ZMYM5: variants seen among roughly 807,000 people sequenced by gnomAD.
The protein encoded by ZMYM5 is zinc finger MYM-type protein 5.
ZMYM5 carries 41 observed loss-of-function variants against 61.8 expected under a neutral mutation model. The ratio of observed to expected loss-of-function variants is 0.66; its 90% CI spans 0.52 to 0.86. The LOEUF (loss-of-function observed/expected upper bound fraction) is 0.86. Among genes scored for constraint, ZMYM5 ranks in the 40% least tolerant of loss-of-function variants. The pLI, the probability that ZMYM5 is intolerant of heterozygous loss-of-function variation, is 0.00. For synonymous variants in ZMYM5, 257 were observed against 276.4 expected (o/e 0.93, Z 0.70); for missense variants, 706 against 786.7 (o/e 0.90, Z 1.23).
At chr13:19,851,246 C>T in intron 4 of ZMYM5, 109 bp downstream of exon 4, 1 of 1,071,778 alleles carries the variant, frequency 9.3e-7, no homozygotes, top group South Asian at 1.5e-5. Flanking sequence ...AACAAGCAAA[C>T]AAAAAAAGCA....
At chr13:19,851,556 A>G in intron 3 of ZMYM5, 108 bp from the exon 4 acceptor site, 2 of 1,543,922 alleles carry the variant, frequency 1.3e-6, no homozygotes, top group East Asian at 2.2e-5. Context: ...GATGTTTTAT[A>G]TGTAATAATT....
chr13:19,825,600 T>G (rs924675169), intron 7 of ZMYM5, among the ~76,000 whole-genome samples: 4 of 148,194 alleles, frequency 2.7e-5, no homozygotes, highest in Non-Finnish European at 3.0e-5. Context: ...TGAGCTGAGA[T>G]CGCGCCACTG....
intron 7 of ZMYM5, among the ~76,000 whole-genome samples, chr13:19,834,864 T>C (rs1209305296): frequency 6.6e-6 from 1 of 152,042 alleles, no homozygotes; most frequent in East Asian, 1.9e-4. Flanking sequence ...AATTTTTGTA[T>C]TTTTAGTAGA....
chr13:19,841,547 A>G (rs1952878824), intron 4 of ZMYM5, among the ~76,000 whole-genome samples: 1 of 152,082 alleles, frequency 6.6e-6, no homozygotes, highest in Non-Finnish European at 1.5e-5. Context: ...TTTTTCCCTA[A>G]TTATTCTCAG....
chr13:19,859,007 TGG>T (rs140571217), intron 2 of ZMYM5, among the ~76,000 whole-genome samples: 4,038 of 152,220 alleles, frequency 0.027, 64 homozygotes, highest in Middle Eastern at 0.037. Context: ...CACCAAGCAC[TGG>T]GGAATGTTTC....
chr13:19,839,020 A>G, intron 4 of ZMYM5, 35 bp from the exon 5 acceptor site: 2 of 1,589,262 alleles, frequency 1.3e-6, no homozygotes, highest in Non-Finnish European at 1.7e-6. Context: ...TCATGGAACA[A>G]ATCAAAATGT....
At chr13:19,845,848 G>A (rs1180835332) in intron 4 of ZMYM5, among the ~76,000 whole-genome samples, 1 of 152,154 alleles carries the variant, frequency 6.6e-6, no homozygotes, top group East Asian at 1.9e-4. Flanking sequence ...AGGCTGCACT[G>A]AGCTTCAAAA....
At chr13:19,836,244 A>G (rs1314693154) in intron 6 of ZMYM5, among the ~76,000 whole-genome samples, 1 of 152,066 alleles carries the variant, frequency 6.6e-6, no homozygotes, top group Non-Finnish European at 1.5e-5. Context: ...TTCCCTAAAG[A>G]CATTTAATAA....
chr13:19,851,555 T>C (rs1953297141), intron 3 of ZMYM5, 107 bp from the exon 4 acceptor site: 9 of 1,543,870 alleles, frequency 5.8e-6, no homozygotes, highest in African/African-American at 1.4e-5. Context: ...TGATGTTTTA[T>C]ATGTAATAAT....
intron 2 of ZMYM5, among the ~76,000 whole-genome samples, chr13:19,853,767 C>T (rs923591899): frequency 1.3e-4 from 19 of 151,044 alleles, no homozygotes; most frequent in Non-Finnish European, 2.5e-4. Flanking sequence ...TTTTTGCTAG[C>T]GACAGGGTTT....
chr13:19,832,285 A>G (rs890646841), intron 7 of ZMYM5, among the ~76,000 whole-genome samples: 14 of 151,962 alleles, frequency 9.2e-5, no homozygotes, highest in Non-Finnish European at 1.6e-4. Context: ...TGAGCTCACA[A>G]CCTTTAACTT....
At chr13:19,828,745 G>T (rs1891053899) in intron 7 of ZMYM5, among the ~76,000 whole-genome samples, 2 of 152,152 alleles carry the variant, frequency 1.3e-5, no homozygotes, top group Admixed American at 1.3e-4. Flanking sequence ...TAATTGATTG[G>T]CTCTAGGGGC....
chr13:19,847,140 G>A (rs185988302), intron 4 of ZMYM5, among the ~76,000 whole-genome samples: 155 of 151,978 alleles, frequency 1.0e-3, no homozygotes, highest in African/African-American at 3.7e-3. Context: ...ATAGAGATGG[G>A]GTTTTGTCAT....
chr13:19,850,683 A>C (rs1017210726), intron 4 of ZMYM5, among the ~76,000 whole-genome samples: 4 of 152,116 alleles, frequency 2.6e-5, no homozygotes, highest in Admixed American at 2.0e-4. Context: ...CAAAAATTGA[A>C]ATTTTAAATA....
chr13:19,844,714 A>C (rs9508913), intron 4 of ZMYM5, among the ~76,000 whole-genome samples: 2 of 151,998 alleles, frequency 1.3e-5, no homozygotes, highest in Non-Finnish European at 1.5e-5. Flanking sequence ...CTCTGCCTCC[A>C]GGGTTCAAGC....
At chr13:19,826,718 C>T (rs1890934295) in intron 7 of ZMYM5, among the ~76,000 whole-genome samples, 1 of 150,478 alleles carries the variant, frequency 6.6e-6, no homozygotes, top group Non-Finnish European at 1.5e-5. Context: ...CTCGCCACTG[C>T]ACTCCAGCCT....
At chr13:19,831,909 A>G (rs1396445647) in intron 7 of ZMYM5, among the ~76,000 whole-genome samples, 2 of 148,202 alleles carry the variant, frequency 1.3e-5, no homozygotes, top group East Asian at 2.1e-4. Flanking sequence ...AGGCTGGAGT[A>G]CAGTGGCGTG....
rs1246921759 is a variant in ZMYM5 at position 19,852,132 on chromosome 13, C to G, written c.49G>C (p.Ala17Pro). The G allele has an allele frequency of 1.2e-6, 2 of 1,612,628 alleles. No homozygotes were observed. The highest frequency in any genetic ancestry group is 2.7e-5 in the African/African-American group (2 of 74,880). Residue 17 changes from alanine (A) to proline (P), a missense_variant, in exon 3 of 8, where the codon GCT (alanine) becomes CCT (proline). By Grantham distance (27) the Ala-to-Pro change is conservative. Transcript: ENST00000337963. ...GCCATGGCCATATTCCCTAATAAAG[C>G]AGGAGTCTGTTCAGTCAACTCTAAT... ...GGLELTEQTP[A>P]LLGNMAMATS...
intron 4 of ZMYM5, among the ~76,000 whole-genome samples, chr13:19,842,798 A>G (rs572950229): frequency 6.6e-6 from 1 of 151,782 alleles, no homozygotes; most frequent in Admixed American, 6.6e-5. Context: ...CATCTCTACT[A>G]AAAGTACAAA....
Sources: gnomAD v4.1 joint callset for allele counts (sites outside exome capture counted in the v4.1 genomes callset) on GRCh38, gnomAD v4.1.1 for gene constraint, MANE v1.5 for transcripts, NCBI Gene and HGNC (gene_info 2026-07-23, HGNC 2026-07-21) for gene names.